Variants in NAT10 observed in about 807,000 individuals in gnomAD.
The protein encoded by NAT10 is N-acetyltransferase 10.
Under a neutral mutation model 132.2 loss-of-function variants are expected in NAT10, and 109 were observed. The observed-to-expected ratio is 0.82, with a 90% CI of 0.71 to 0.97. NAT10 has a LOEUF of 0.97. NAT10 is among the 50% of genes least tolerant of loss of function. NAT10 has a pLI of 0.00. For synonymous variants in NAT10, 479 were observed against 478.0 expected (o/e 1.00, Z -0.03); for missense variants, 1,184 against 1,263.4 (o/e 0.94, Z 0.95).
At chr11:34,113,372 G>C (rs1043088341) in intron 4 of NAT10, among the ~76,000 whole-genome samples, 4 of 152,020 alleles carry the variant, frequency 2.6e-5, no homozygotes, top group African/African-American at 9.7e-5. Context: ...CCAGGTATTC[G>C]TATATTCGAG....
Position 34,113,830 on chromosome 11 carries a change from G to T in NAT10, c.487G>T (p.Val163Leu), listed in dbSNP as rs1260408603. Residue 163 changes from valine (V) to leucine (L), a missense_variant, in exon 5 of 29, where the codon GTG (valine) becomes TTG (leucine). Transcript: ENST00000257829. ...TMNSLKQLYT[V>L]TMDVHSRYRT... The stretch of plus-strand genomic sequence containing the variant: ...GAACTCACTCAAGCAATTGTACACA[G>T]TGACTATGGTAAGCATCTGTTTTTT... 5 of 1,613,108 alleles carry T rather than the reference G, an allele frequency of 3.1e-6. No individual in the cohort carries two copies. The Admixed American group carries it at 8.4e-5, about 27-fold the overall frequency.
In NAT10 at chr11:34,112,141, T is replaced by G; in HGVS notation, c.290T>G (p.Ile97Arg). ...IKQDDPFELFIAATNIRYCYY... is the reference protein window; with the variant it reads ...IKQDDPFELFRAATNIRYCYY... Reference sequence around the variant, plus strand: ...CAGGACGACCCCTTTGAACTCTTCATAGCAGCCACAAACATTCGCTACTGC... The same window carrying G: ...CAGGACGACCCCTTTGAACTCTTCAGAGCAGCCACAAACATTCGCTACTGC... The change falls in exon 4 of 29, where the codon ATA (isoleucine) becomes AGA (arginine). Residue 97 changes from isoleucine to arginine, a missense_variant. Coordinates refer to ENST00000257829, the MANE Select transcript of NAT10 (RefSeq NM_024662.3). 3 of 1,614,232 alleles carry G rather than the reference T, an allele frequency of 1.9e-6. No homozygotes were observed. The highest frequency in any genetic ancestry group is 2.5e-6 in the Non-Finnish European group (3 of 1,180,042).
chr11:34,146,179 A>G lies in NAT10; in HGVS notation c.3065A>G (p.Lys1022Arg), dbSNP rs755007330. Residue 1022 changes from lysine (K) to arginine (R), a missense_variant, in exon 29 of 29, where the codon AAG (lysine) becomes AGG (arginine). Coordinates refer to ENST00000257829, the MANE Select transcript of NAT10 (RefSeq NM_024662.3). ...AAGAACAAAAAAGATATGAAACTGAAGCGGAAGAAATAGTGAAGAGAAACT... is the reference window on the plus strand; with the variant it reads ...AAGAACAAAAAAGATATGAAACTGAGGCGGAAGAAATAGTGAAGAGAAACT... ...ETKNKKDMKL[K>R]RKK The G allele has an allele frequency of 1.2e-6, 2 of 1,602,446 alleles. No homozygotes were observed. The highest frequency in any genetic ancestry group is 2.2e-5 in the East Asian group (1 of 44,804).
intron 6 of NAT10, among the ~76,000 whole-genome samples, chr11:34,117,881 G>T (rs912893610): frequency 6.6e-6 from 1 of 152,168 alleles, no homozygotes; most frequent in Non-Finnish European, 1.5e-5. Flanking sequence ...AGCAAGCCTG[G>T]GAGGATGAGG....
intron 11 of NAT10, among the ~76,000 whole-genome samples, chr11:34,127,223 G>A (rs1477840154): frequency 1.3e-5 from 2 of 152,180 alleles, no homozygotes; most frequent in Admixed American, 6.5e-5. Flanking sequence ...CTGAGGCACT[G>A]TGGGATTAAG....
chr11:34,138,895 C>T (rs909248446), intron 21 of NAT10: 12 of 356,390 alleles, frequency 3.4e-5, no homozygotes, highest in East Asian at 1.1e-4. Flanking sequence ...ATTTCCCTCC[C>T]GCACGTCCCG....
In NAT10 at chr11:34,139,105, C is replaced by T. The variant is rs1055411159; in HGVS notation, c.2212-86C>T. The T allele has an allele frequency of 1.7e-5, 22 of 1,291,488 alleles. No individual in the cohort carries two copies. In the Admixed American group the frequency reaches 2.6e-4, roughly 15 times the overall value. 80.0% of individuals were successfully genotyped at this position (1,291,488 alleles called of 1,614,324 possible). A position where few individuals can be genotyped will look rare whatever the true frequency, so the allele number is the denominator to read the frequency against. ...AGGCCTGCGGAAGCACTAAGCCTTT[C>T]TTCTCTGAGTGTTTACCCTTCATCA... On this transcript the variant is annotated intron_variant, in intron 21 of 28. Transcript: ENST00000257829.
At chr11:34,118,585 C>A in intron 8 of NAT10, 82 bp downstream of exon 8, 1 of 1,126,818 alleles carries the variant, frequency 8.9e-7, no homozygotes, top group Non-Finnish European at 1.3e-6. Flanking sequence ...GGTACGTTGA[C>A]TCAAGACCCA....
At chr11:34,145,911 C>G (rs1162621904) in intron 28 of NAT10, among the ~76,000 whole-genome samples, 173 bp from the exon 29 acceptor site, 1 of 152,198 alleles carries the variant, frequency 6.6e-6, no homozygotes, top group Non-Finnish European at 1.5e-5. Flanking sequence ...CCAGCCCCAG[C>G]ACAATGCCTG....
At chr11:34,125,245 C>T (rs1851966418) in intron 11 of NAT10, among the ~76,000 whole-genome samples, 1 of 152,146 alleles carries the variant, frequency 6.6e-6, no homozygotes, top group South Asian at 2.1e-4. Context: ...TCGATTCCCC[C>T]AGCTGGGAGG....
At position 34,140,606 on chromosome 11, in the gene NAT10, G is replaced by A. The variant is rs749422667; in HGVS notation, c.2592+34G>A. Reference sequence around the variant, plus strand: ...TCTGTTGCTTGCGTGGAGGAGAAGCGAGGATTGTGGAGCTGTTCATTTGCT... The same window carrying A: ...TCTGTTGCTTGCGTGGAGGAGAAGCAAGGATTGTGGAGCTGTTCATTTGCT... On this transcript the variant is annotated intron_variant, in intron 24 of 28. Transcript: ENST00000257829. 1.3e-5 allele frequency: 20 copies of A among 1,597,412 alleles called. No individual in the cohort carries two copies. In the East Asian group the frequency reaches 1.6e-4, roughly 13 times the overall value.
chr11:34,135,234 T>C lies in NAT10; in HGVS notation c.1971T>C (p.Pro657=), dbSNP rs1276097345. The C allele has an allele frequency of 1.9e-6, 3 of 1,614,086 alleles. No homozygotes were observed. The highest frequency in any genetic ancestry group is 2.5e-6 in the Non-Finnish European group (3 of 1,180,046). The change falls in exon 19 of 29, where the codon CCT becomes CCC. Residue 657 remains proline, a synonymous_variant. Transcript: ENST00000257829. ...LLQMYYEGRF[P]CLEEKVLETP... ...AGATGTACTATGAAGGCAGGTTTCC[T>C]TGTCTGGAGGAAAAGGTCCTTGAGA... is the stretch of plus-strand genomic sequence containing the variant.
At chr11:34,126,416 G>A (rs1304711981) in intron 11 of NAT10, among the ~76,000 whole-genome samples, 1 of 152,196 alleles carries the variant, frequency 6.6e-6, no homozygotes, top group Non-Finnish European at 1.5e-5. Flanking sequence ...TTGTTTTCAA[G>A]ATCTATGCAG....
At chr11:34,140,319 A>C (rs1209964806) in intron 23 of NAT10, 81 bp from the exon 24 acceptor site, 2 of 1,348,584 alleles carry the variant, frequency 1.5e-6, no homozygotes, top group African/African-American at 2.9e-5. Flanking sequence ...CCTGTGTGTT[A>C]GGGTGCCGCC....
chr11:34,109,028 A>G (rs1851647259), intron 3 of NAT10, among the ~76,000 whole-genome samples, 195 bp downstream of exon 3: 1 of 152,294 alleles, frequency 6.6e-6, no homozygotes, highest in South Asian at 2.1e-4. Context: ...TAAGTCACCA[A>G]TCCAATGCCT....
At position 34,131,049 on chromosome 11, in the gene NAT10, G is replaced by A. The variant is rs1326792829; in HGVS notation, c.1369+112G>A. 37 of 1,489,840 alleles carry A rather than the reference G, an allele frequency of 2.5e-5. 1 individual carries two copies. Among genetic ancestry groups the A allele is most frequent in the Non-Finnish European group, 3.2e-5 (35 of 1,100,248 alleles). The allele number at this position is 1,489,840 out of a possible 1,614,324, so 92.3% of individuals were successfully genotyped here. On this transcript the variant is annotated intron_variant, in intron 13 of 28. Transcript: ENST00000257829. The stretch of plus-strand genomic sequence containing the variant: ...AAGCACCAAACCTTCCCACCATCAG[G>A]CTGAGAGGTTGAGTCCCCAAGAGGA...
intron 9 of NAT10, among the ~76,000 whole-genome samples, chr11:34,122,933 C>G (rs1851921489): frequency 6.6e-6 from 1 of 152,186 alleles, no homozygotes; most frequent in East Asian, 1.9e-4. Flanking sequence ...GCCTTGCTGA[C>G]TGAGAAAAGT....
At chr11:34,133,862 GATGTGTCA>G (rs1852152631) in intron 16 of NAT10, among the ~76,000 whole-genome samples, 1 of 152,118 alleles carries the variant, frequency 6.6e-6, no homozygotes, top group South Asian at 2.1e-4. Context: ...GTTAAGAATG[GATGTGTCA>G]GGCCAGGCGC....
intron 8 of NAT10, among the ~76,000 whole-genome samples, chr11:34,120,157 T>A (rs1295336505): frequency 6.7e-6 from 1 of 149,962 alleles, no homozygotes; most frequent in East Asian, 1.9e-4. Flanking sequence ...TTTTTTTTTT[T>A]TTTTTTGGTG....
Sources: allele counts gnomAD v4.1 joint callset (sites outside exome capture counted in the v4.1 genomes callset), GRCh38; gene constraint gnomAD v4.1.1; transcripts MANE v1.5; gene names NCBI Gene and HGNC (gene_info 2026-07-23, HGNC 2026-07-21).